NRG4: variants seen among roughly 807,000 people sequenced by gnomAD.
NRG4 encodes the protein neuregulin 4, also known as pro-neuregulin-4, membrane-bound isoform.
In NRG4, 10 loss-of-function variants were observed where a neutral mutation model predicts 15.0. That is an observed-to-expected ratio of 0.67 (90% CI 0.41 to 1.13). NRG4 has a LOEUF of 1.13. NRG4 is among the 50% of genes most tolerant of loss of function. The pLI, the probability that NRG4 is intolerant of heterozygous loss-of-function variation, is 0.00. For synonymous variants in NRG4, 41 were observed against 50.1 expected, an observed-to-expected ratio of 0.82 and a Z score of 0.77; for missense variants, 139 against 140.2, an observed-to-expected ratio of 0.99 and a Z score of 0.04.
intron 5 of NRG4, among the ~76,000 whole-genome samples, chr15:75,954,583 T>C (rs892209236): frequency 2.7e-5 from 4 of 150,646 alleles, no homozygotes; most frequent in Non-Finnish European, 5.9e-5. Context: ...GCACCCACCA[T>C]TGGTTTTTTT....
intron 4 of NRG4, among the ~76,000 whole-genome samples, chr15:76,050,447 T>TG (rs1555441810): frequency 7.0e-6 from 1 of 141,914 alleles, no homozygotes; most frequent in South Asian, 2.3e-4. Flanking sequence ...GTTTTTTTTT[T>TG]TTTTTTTTTT....
chr15:75,967,112 C>CAA (rs1300663699), intron 3 of NRG4, among the ~76,000 whole-genome samples: 994 of 50,326 alleles, frequency 0.02, 22 homozygotes, highest in African/African-American at 0.061. Flanking sequence ...GACTCCGTCT[C>CAA]AAAAAAAAAA....
chr15:76,009,423 A>AAATG (rs1335693122), intron 2 of NRG4, 130 bp from the exon 3 acceptor site: 3 of 544,652 alleles, frequency 5.5e-6, no homozygotes, highest in East Asian at 6.3e-5. Context: ...TTTTTTCTCA[A>AAATG]AATGAAAGAT....
intron 3 of NRG4, among the ~76,000 whole-genome samples, chr15:75,991,114 A>G (rs1312272342): frequency 1.3e-5 from 2 of 152,230 alleles, no homozygotes; most frequent in East Asian, 3.9e-4. Flanking sequence ...TATCATGGTA[A>G]GAGAACGTAC....
At chr15:75,976,162 C>T (rs768050338) in intron 3 of NRG4, among the ~76,000 whole-genome samples, 2 of 152,266 alleles carry the variant, frequency 1.3e-5, no homozygotes, top group Admixed American at 6.5e-5. Context: ...ACGAAATTCT[C>T]GTGCTATGTT....
intron 3 of NRG4, among the ~76,000 whole-genome samples, chr15:75,994,936 G>A (rs1365382354): frequency 6.6e-6 from 1 of 152,194 alleles, no homozygotes. Flanking sequence ...AACTTTGGGA[G>A]GCCAAGGGAG....
At chr15:76,052,785 TA>T (rs1274617085) in intron 3 of NRG4, among the ~76,000 whole-genome samples, 3 of 151,280 alleles carry the variant, frequency 2.0e-5, no homozygotes, top group Admixed American at 1.3e-4. Flanking sequence ...TGGCATATAT[TA>T]AAAATACGAA....
intron 2 of NRG4, 34 bp from the exon 3 acceptor site, chr15:76,009,327 C>T (rs1184974379): frequency 1.9e-6 from 2 of 1,040,620 alleles, no homozygotes; most frequent in African/African-American, 3.3e-5. Context: ...TAGAGAAAAG[C>T]AAATTAAAGT....
chr15:75,974,121 T>C (rs2033248090), intron 3 of NRG4, among the ~76,000 whole-genome samples: 2 of 152,206 alleles, frequency 1.3e-5, no homozygotes, highest in South Asian at 4.1e-4. Context: ...AAGGAATTTA[T>C]CCATTTCTTC....
chr15:76,023,020 G>T (rs1370538163), intron 5 of NRG4, among the ~76,000 whole-genome samples: 2 of 151,984 alleles, frequency 1.3e-5, no homozygotes, highest in African/African-American at 4.8e-5. Flanking sequence ...ACTTTCAAAT[G>T]TTGCTAAAAT....
intron 4 of NRG4, among the ~76,000 whole-genome samples, chr15:76,045,310 G>A (rs1291158289): frequency 1.3e-5 from 2 of 151,090 alleles, no homozygotes; most frequent in Admixed American, 6.6e-5. Flanking sequence ...AGGAGATATG[G>A]AGAAAGGGAA....
intron 4 of NRG4, among the ~76,000 whole-genome samples, chr15:76,041,404 A>C (rs192071906): frequency 8.3e-4 from 127 of 152,202 alleles, no homozygotes; most frequent in Non-Finnish European, 5.3e-4. Context: ...CCCAAAAAAA[A>C]CCCACAAGAC....
intron 5 of NRG4, among the ~76,000 whole-genome samples, chr15:75,944,577 AT>A (rs1396101295): frequency 1.3e-5 from 2 of 152,222 alleles, no homozygotes; most frequent in Non-Finnish European, 2.9e-5. Context: ...GCAGGAGGAC[AT>A]CCTTGGTGAA....
intron 1 of NRG4, chr15:76,057,099 T>G (rs1000114277): frequency 6.6e-6 from 1 of 152,232 alleles, no homozygotes; most frequent in African/African-American, 2.4e-5. Flanking sequence ...CTGTTGCTAC[T>G]AAGCTCCTTT....
chr15:76,023,183 C>CACACACACACACACACACACAA (rs67858639), intron 5 of NRG4, among the ~76,000 whole-genome samples: 3 of 112,458 alleles, frequency 2.7e-5, no homozygotes, highest in Non-Finnish European at 6.1e-5. Flanking sequence ...CACACACACA[C>CACACACACACACACACACACAA]AAGCAAGGAC....
At chr15:75,981,685 G>C (rs2033612844) in intron 3 of NRG4, among the ~76,000 whole-genome samples, 1 of 152,242 alleles carries the variant, frequency 6.6e-6, no homozygotes, top group East Asian at 1.9e-4. Flanking sequence ...CTGCCTAGGT[G>C]AGACCAGCCC....
At chr15:75,954,200 C>G (rs1190153502) in intron 5 of NRG4, among the ~76,000 whole-genome samples, 1 of 151,328 alleles carries the variant, frequency 6.6e-6, no homozygotes, top group African/African-American at 2.4e-5. Flanking sequence ...GCTATATCTT[C>G]AAGTTCACCA....
chr15:76,037,626 C>T (rs1305622856), intron 4 of NRG4, among the ~76,000 whole-genome samples: 1 of 152,068 alleles, frequency 6.6e-6, no homozygotes, highest in African/African-American at 2.4e-5. Context: ...AGTCTAGGCC[C>T]CAAGAACTGC....
intron 4 of NRG4, among the ~76,000 whole-genome samples, chr15:75,957,344 C>T (rs2032289475): frequency 6.6e-6 from 1 of 152,196 alleles, no homozygotes; most frequent in South Asian, 2.1e-4. Context: ...TTGTCTTCAT[C>T]TTACCCTCAT....
Sources: gnomAD v4.1 joint callset for allele counts (sites outside exome capture counted in the v4.1 genomes callset) on GRCh38, gnomAD v4.1.1 for gene constraint, MANE v1.5 for transcripts, NCBI Gene and HGNC (gene_info 2026-07-23, HGNC 2026-07-21) for gene names.